Variants in GALNT18 observed in about 807,000 individuals in gnomAD.
GALNT18 encodes GalNAc-transferase 18.
In GALNT18, 44 loss-of-function variants were observed where a neutral mutation model predicts 69.5. That is an observed-to-expected ratio of 0.63 (90% confidence interval 0.50 to 0.81). The LOEUF is 0.81. Among genes scored for constraint, GALNT18 ranks in the 40% least tolerant of loss-of-function variants. GALNT18 has a pLI of 0.00. For missense variants in GALNT18, 715 were observed against 810.0 expected, an observed-to-expected ratio of 0.88 and a Z score of 1.42; for synonymous variants, 364 against 318.2, an observed-to-expected ratio of 1.14 and a Z score of -1.53.
intron 1 of GALNT18, among the ~76,000 whole-genome samples, chr11:11,524,221 G>C (rs997673757): frequency 2.6e-5 from 4 of 152,146 alleles, no homozygotes; most frequent in Non-Finnish European, 5.9e-5. Context: ...TCAGATGCTA[G>C]GTGGCCCAAA....
At chr11:11,514,509 G>C (rs1857227675) in intron 1 of GALNT18, among the ~76,000 whole-genome samples, 1 of 152,200 alleles carries the variant, frequency 6.6e-6, no homozygotes, top group Non-Finnish European at 1.5e-5. Flanking sequence ...TTACACAGAG[G>C]AATCAGTTTT....
intron 1 of GALNT18, among the ~76,000 whole-genome samples, chr11:11,483,974 G>A (rs775947196): frequency 5.3e-5 from 8 of 152,116 alleles, no homozygotes; most frequent in African/African-American, 9.7e-5. Flanking sequence ...AAGTTCCATC[G>A]TGGGACATGG....
At chr11:11,395,941 A>C (rs1854315960) in intron 3 of GALNT18, among the ~76,000 whole-genome samples, 1 of 152,212 alleles carries the variant, frequency 6.6e-6, no homozygotes, top group South Asian at 2.1e-4. Context: ...ACCAGTGGGC[A>C]CAAGGACAGC....
At chr11:11,544,175 A>G (rs1857990993) in intron 1 of GALNT18, among the ~76,000 whole-genome samples, 1 of 152,190 alleles carries the variant, frequency 6.6e-6, no homozygotes, top group African/African-American at 2.4e-5. Flanking sequence ...AATTAGGCCT[A>G]ACTCTGGATG....
intron 6 of GALNT18, among the ~76,000 whole-genome samples, chr11:11,363,409 G>T (rs546867565): frequency 6.6e-6 from 1 of 152,112 alleles, no homozygotes; most frequent in East Asian, 1.9e-4. Flanking sequence ...CATCCTAGTG[G>T]GATAAAATCT....
intron 6 of GALNT18, among the ~76,000 whole-genome samples, chr11:11,364,830 T>C (rs953063079): frequency 6.6e-6 from 1 of 152,218 alleles, no homozygotes; most frequent in Non-Finnish European, 1.5e-5. Context: ...ATATGATGTC[T>C]GGGATTTCCC....
chr11:11,521,204 C>T (rs939170369), intron 1 of GALNT18, among the ~76,000 whole-genome samples: 74 of 152,060 alleles, frequency 4.9e-4, no homozygotes, highest in African/African-American at 1.8e-3. Context: ...TTGACACCTC[C>T]ACCTCACTAG....
chr11:11,290,305 C>T (rs1243002873), intron 10 of GALNT18, among the ~76,000 whole-genome samples: 2 of 152,194 alleles, frequency 1.3e-5, no homozygotes, highest in Non-Finnish European at 2.9e-5. Context: ...TCTCAATCTC[C>T]TGCTAACTCT....
In GALNT18 at chr11:11,621,301, C is replaced by T; in HGVS notation, c.235+58G>A. The T allele has an allele frequency of 1.4e-6, 2 of 1,461,112 alleles. No individual in the cohort carries two copies. Among genetic ancestry groups the T allele is most frequent in the Non-Finnish European group, 9.5e-7 (1 of 1,055,650 alleles). The allele number at this position is 1,461,112 out of a possible 1,614,324, so 90.5% of individuals were successfully genotyped here. A position where few individuals can be genotyped will look rare whatever the true frequency, so the allele number is the denominator to read the frequency against. On this transcript the variant is annotated intron_variant, in intron 1 of 10. Transcript: ENST00000227756. This position sits in a 1 kb window ranked among gnomAD's most constrained non-coding sequence, Gnocchi z 9.3. ...TGCGCACCAGCCCCAGCGCACCCCG[C>T]GCCGCGCGGGGCACTCCCGGGCCTC...
At chr11:11,547,126 C>G (rs1182981191) in intron 1 of GALNT18, among the ~76,000 whole-genome samples, 1 of 152,150 alleles carries the variant, frequency 6.6e-6, no homozygotes, top group African/African-American at 2.4e-5. Flanking sequence ...AGTATTTAGC[C>G]TTGTGCATAC....
At chr11:11,311,488 A>G (rs1441778098) in intron 9 of GALNT18, among the ~76,000 whole-genome samples, 4 of 152,216 alleles carry the variant, frequency 2.6e-5, no homozygotes, top group Non-Finnish European at 5.9e-5. Context: ...TAGTGAAAGC[A>G]GCCCTGCCAA....
chr11:11,479,725 C>A (rs6484943), intron 1 of GALNT18, among the ~76,000 whole-genome samples: 1 of 152,022 alleles, frequency 6.6e-6, no homozygotes. Flanking sequence ...GTGCCCCATG[C>A]GGAAGTCACG....
At chr11:11,536,825 A>T (rs555628040) in intron 1 of GALNT18, among the ~76,000 whole-genome samples, 1 of 152,366 alleles carries the variant, frequency 6.6e-6, no homozygotes, top group Admixed American at 6.5e-5. Context: ...CTGCTTTGCA[A>T]AAACAATGAC....
chr11:11,451,939 C>T (rs10765851), intron 1 of GALNT18, among the ~76,000 whole-genome samples: 148,260 of 152,302 alleles, frequency 0.97, 72,286 homozygotes, highest in East Asian at 1. Flanking sequence ...CACTACTTGT[C>T]TTTGTAAATA....
At chr11:11,585,690 T>C (rs547515999) in intron 1 of GALNT18, among the ~76,000 whole-genome samples, 1 of 152,030 alleles carries the variant, frequency 6.6e-6, no homozygotes, top group Non-Finnish European at 1.5e-5. Context: ...CAAAACAACA[T>C]ATCACAACAG....
intron 2 of GALNT18, among the ~76,000 whole-genome samples, chr11:11,440,424 T>A (rs1855509293): frequency 6.6e-6 from 1 of 152,010 alleles, no homozygotes; most frequent in African/African-American, 2.4e-5. Flanking sequence ...CACCTACAGC[T>A]GAGGAAGGTG....
chr11:11,403,411 A>G (rs1854510457), intron 3 of GALNT18, among the ~76,000 whole-genome samples: 1 of 152,206 alleles, frequency 6.6e-6, no homozygotes, highest in Non-Finnish European at 1.5e-5. Flanking sequence ...CACTGGTTCC[A>G]AGTGTTTGCC....
chr11:11,500,845 C>G lies in GALNT18; in HGVS notation c.236-51909G>C, dbSNP rs1428613936. On this transcript the variant is annotated intron_variant, in intron 1 of 10. Transcript: ENST00000227756. This position sits in a 1 kb window ranked among gnomAD's most constrained non-coding sequence, Gnocchi z 5.0. ...GGCACAGCACCAGGCTCTCCCCAAA[C>G]CTGGGAGTTCCTTTCCTTCCCTGTC... Among the ~76,000 whole-genome samples, 1 of 152,224 alleles carries G rather than the reference C, an allele frequency of 6.6e-6. No homozygotes were observed. The highest frequency in any genetic ancestry group is 2.4e-5 in the African/African-American group (1 of 41,450).
chr11:11,294,977 C>A (rs971446237), intron 9 of GALNT18, among the ~76,000 whole-genome samples: 5 of 152,124 alleles, frequency 3.3e-5, no homozygotes, highest in African/African-American at 4.8e-5. Flanking sequence ...TTGACATGTT[C>A]AAAAATTCTC....
Sources: gnomAD v4.1 joint callset for allele counts (sites outside exome capture counted in the v4.1 genomes callset) on GRCh38, gnomAD v4.1.1 for gene constraint, Gnocchi (gnomAD v3.1) non-coding constraint, MANE v1.5 for transcripts, NCBI Gene and HGNC (gene_info 2026-07-23, HGNC 2026-07-21) for gene names.